DZIP1: variants seen among roughly 807,000 people sequenced by gnomAD.
The protein encoded by DZIP1 is cilium assembly protein DZIP1.
A neutral mutation model predicts 107.6 loss-of-function variants in DZIP1; 97 were observed. The ratio of observed to expected loss-of-function variants is 0.90; its 90% CI spans 0.77 to 1.07. The LOEUF (loss-of-function observed/expected upper bound fraction) is 1.07. DZIP1 is among the 50% of genes least tolerant of loss of function. The pLI is 0.00. For missense variants in DZIP1, 1,035 were observed against 1,063.6 expected (o/e 0.97, Z 0.37); for synonymous variants, 390 against 386.4 (o/e 1.01, Z -0.11).
In DZIP1 at chr13:95,643,200, C is replaced by G. The variant is rs1878733239; in HGVS notation, c.-370G>C. ...ATAAGCTGAGGAAAAGCCAGACATT[C>G]CCCAATCCACCGGGGAATTCCTGCT... On this transcript the variant is annotated 5_prime_UTR_variant, in exon 3 of 23. Transcript: ENST00000376829. 6.6e-6 allele frequency: 1 copy of G among 152,110 alleles called. No homozygotes were observed. Among genetic ancestry groups the G allele is most frequent in the South Asian group, 2.1e-4 (1 of 4,816 alleles). The allele number at this position is 152,110 out of a possible 1,614,324, so 9.4% of individuals were successfully genotyped here. A position where few individuals can be genotyped will look rare whatever the true frequency, so the allele number is the denominator to read the frequency against.
At position 95,606,019 on chromosome 13, in the gene DZIP1, A is replaced by C. The variant is rs1566383343; in HGVS notation, c.1461T>G (p.Ser487Arg). 1 of 1,614,054 alleles carries C rather than the reference A, an allele frequency of 6.2e-7. No individual in the cohort carries two copies. ...PALHTLETKSSLPMVHEQAFS... is the reference protein window; with the variant it reads ...PALHTLETKSRLPMVHEQAFS... ...GAAACTTACCATGCACCATTGGCAG[A>C]CTTGATTTAGTTTCCAAAGTGTGCA... The change falls in exon 14 of 23, where the codon AGT becomes AGG. Residue 487 changes from serine to arginine, a missense_variant. Physicochemically the swap from Ser to Arg is moderately radical, Grantham distance 110. Coordinates refer to ENST00000376829, the MANE Select transcript of DZIP1 (RefSeq NM_198968.4).
intron 14 of DZIP1, 42 bp from the exon 15 acceptor site, chr13:95,599,466 A>G (rs1452235851): frequency 1.3e-6 from 2 of 1,486,550 alleles, no homozygotes; most frequent in Admixed American, 3.4e-5. Flanking sequence ...ACAGGACAAC[A>G]GCAAAGTTAC....
intron 22 of DZIP1, among the ~76,000 whole-genome samples, chr13:95,584,126 A>ACCC (rs1367652315): frequency 6.6e-6 from 1 of 151,730 alleles, no homozygotes; most frequent in African/African-American, 2.4e-5. Flanking sequence ...ACAGGCGCGC[A>ACCC]CCACCATGCC....
chr13:95,602,885 G>C (rs924585682), intron 14 of DZIP1, among the ~76,000 whole-genome samples: 1 of 152,206 alleles, frequency 6.6e-6, no homozygotes, highest in African/African-American at 2.4e-5. Context: ...TCCATCAAGA[G>C]ACACAATACA....
rs2043978147 is a variant in DZIP1 at position 95,579,059 on chromosome 13, A to T, written c.*3175T>A. On this transcript the variant is annotated 3_prime_UTR_variant, in exon 23 of 23. Transcript: ENST00000376829. ...GTGTTCCATTATTGGAACACTAAGC[A>T]TGTGGGAGTTATTTATATCCTACTG... 1 of 152,216 alleles carries T rather than the reference A, an allele frequency of 6.6e-6. No individual in the cohort carries two copies. Among genetic ancestry groups the T allele is most frequent in the Non-Finnish European group, 1.5e-5 (1 of 68,038 alleles). The allele number at this position is 152,216 out of a possible 1,614,324, so 9.4% of individuals were successfully genotyped here. A position where few individuals can be genotyped will look rare whatever the true frequency, so the allele number is the denominator to read the frequency against.
At chr13:95,638,326 A>G (rs995085170) in intron 5 of DZIP1, among the ~76,000 whole-genome samples, 1 of 151,972 alleles carries the variant, frequency 6.6e-6, no homozygotes, top group Non-Finnish European at 1.5e-5. Context: ...CTGATCTCAG[A>G]TGATCTGCCT....
At chr13:95,616,007 C>T (rs773693198) in intron 10 of DZIP1, among the ~76,000 whole-genome samples, 6 of 152,076 alleles carry the variant, frequency 3.9e-5, no homozygotes, top group Admixed American at 1.3e-4. Flanking sequence ...AGCTGAGAGC[C>T]GATATGAGTC....
chr13:95,630,596 G>A lies in DZIP1; in HGVS notation c.686-483C>T. ...TGCTAATACAAGCAGAGGACTTGGGGGGCATTCAAAATGCAAACTTGGGCC... is the reference window on the plus strand; with the variant it reads ...TGCTAATACAAGCAGAGGACTTGGGAGGCATTCAAAATGCAAACTTGGGCC... On this transcript the variant is annotated intron_variant, in intron 6 of 22. Transcript: ENST00000376829. The A allele has an allele frequency of 5.0e-6, 3 of 602,616 alleles. No individual in the cohort carries two copies. In the South Asian group the frequency reaches 6.5e-5, roughly 13 times the overall value. 37.3% of individuals were successfully genotyped at this position (602,616 alleles called of 1,614,324 possible). A position where few individuals can be genotyped will look rare whatever the true frequency, so the allele number is the denominator to read the frequency against.
chr13:95,633,186 A>G, intron 6 of DZIP1, 48 bp downstream of exon 6: 1 of 1,556,112 alleles, frequency 6.4e-7, no homozygotes, highest in Non-Finnish European at 8.9e-7. Flanking sequence ...TGCCAAAAGA[A>G]AAAGGGAGCA....
Position 95,586,007 on chromosome 13 carries a change from T to A in DZIP1, c.2348A>T (p.Lys783Met), listed in dbSNP as rs1263329462. Residue 783 changes from lysine to methionine, a missense_variant and splice_region_variant, in exon 21 of 23, where the codon AAG becomes ATG. By Grantham distance (95) the Lys-to-Met change is moderately conservative. Coordinates refer to ENST00000376829, the MANE Select transcript of DZIP1 (RefSeq NM_198968.4). ...TCTAGCAAGTAAAAGTGATTTCACC[T>A]TTAGTTCTTGTAATTCTTCTTTTTT... Reference protein sequence around the residue: ...FIKKEELQELKCADVEDEDWD... With the variant: ...FIKKEELQELMCADVEDEDWD... The A allele has an allele frequency of 6.2e-7, 1 of 1,600,258 alleles. No individual in the cohort carries two copies. Among genetic ancestry groups the A allele is most frequent in the Non-Finnish European group, 8.5e-7 (1 of 1,176,058 alleles).
chr13:95,605,686 C>T (rs2044751174), intron 14 of DZIP1, among the ~76,000 whole-genome samples: 2 of 152,226 alleles, frequency 1.3e-5, no homozygotes, highest in African/African-American at 4.8e-5. Flanking sequence ...AGGTCACCCT[C>T]ATTCTTACCC....
chr13:95,585,031 T>G (rs1315396574), intron 21 of DZIP1, 121 bp from the exon 22 acceptor site: 3 of 687,808 alleles, frequency 4.4e-6, no homozygotes, highest in Non-Finnish European at 4.6e-6. Flanking sequence ...GGGGAACTAT[T>G]AATACTTCCA....
At chr13:95,587,789 A>G (rs2044203513) in intron 19 of DZIP1, 60 bp from the exon 20 acceptor site, 22 of 1,520,394 alleles carry the variant, frequency 1.4e-5, no homozygotes, top group Non-Finnish European at 1.8e-5. Flanking sequence ...GATTTATAAT[A>G]TTAAGAGATG....
intron 5 of DZIP1, among the ~76,000 whole-genome samples, chr13:95,636,543 CAAAA>C (rs58289509): frequency 1.4e-3 from 168 of 118,254 alleles, no homozygotes; most frequent in African/African-American, 5.6e-3. Context: ...GACCTTGACT[CAAAA>C]AAAAAAAAAA....
intron 15 of DZIP1, among the ~76,000 whole-genome samples, chr13:95,598,729 G>A (rs2044529896): frequency 6.6e-6 from 1 of 151,990 alleles, no homozygotes; most frequent in Non-Finnish European, 1.5e-5. Flanking sequence ...TACAAATCTA[G>A]CATTAGAAAA....
intron 1 of DZIP1, 111 bp downstream of exon 1, chr13:95,644,266 C>T (rs1259670008): frequency 6.6e-6 from 1 of 152,378 alleles, no homozygotes; most frequent in African/African-American, 2.4e-5. Context: ...GCTGGATCTG[C>T]AGAGGCTCGG....
intron 3 of DZIP1, 74 bp from the exon 4 acceptor site, chr13:95,642,315 G>A (rs1048931137): frequency 5.3e-6 from 2 of 378,634 alleles, no homozygotes; most frequent in Non-Finnish European, 9.3e-6. Flanking sequence ...GTACCTCCTG[G>A]GTACCGGCTC....
intron 5 of DZIP1, among the ~76,000 whole-genome samples, chr13:95,639,829 C>T (rs1878277308): frequency 6.6e-6 from 1 of 151,986 alleles, no homozygotes; most frequent in Non-Finnish European, 1.5e-5. Context: ...ACCATCTTAG[C>T]ACTATTTGTA....
chr13:95,643,847 G>C (rs1244643400), intron 1 of DZIP1, 149 bp from the exon 2 acceptor site: 1 of 152,310 alleles, frequency 6.6e-6, no homozygotes, highest in Non-Finnish European at 1.5e-5. Context: ...TGGCCTGTTA[G>C]AACGATTAAC....
Sources: gnomAD v4.1 joint callset for allele counts (sites outside exome capture counted in the v4.1 genomes callset) on GRCh38, gnomAD v4.1.1 for gene constraint, MANE v1.5 for transcripts, NCBI Gene and HGNC (gene_info 2026-07-23, HGNC 2026-07-21) for gene names.